PDE4B: variants seen among roughly 807,000 people sequenced by gnomAD.
PDE4B encodes phosphodiesterase 4B.
A neutral mutation model predicts 82.2 loss-of-function variants in PDE4B; 20 were observed. The ratio of observed to expected loss-of-function variants is 0.24; its 90% confidence interval spans 0.17 to 0.35. The LOEUF (loss-of-function observed/expected upper bound fraction) is 0.35, where lower values mean the gene tolerates loss of function less well. Among genes scored for constraint, PDE4B ranks in the 10% least tolerant of loss-of-function variants. The pLI, the probability that PDE4B is intolerant of heterozygous loss-of-function variation, is 1.00. For missense variants in PDE4B, 655 were observed against 907.2 expected, an observed-to-expected ratio of 0.72 and a Z score of 3.57; for synonymous variants, 320 against 318.9, an observed-to-expected ratio of 1.00 and a Z score of -0.04.
chr1:65,831,303 A>G (rs1646078913), intron 1 of PDE4B, among the ~76,000 whole-genome samples: 1 of 152,156 alleles, frequency 6.6e-6, no homozygotes, highest in Non-Finnish European at 1.5e-5. Flanking sequence ...TGCAAGGCTG[A>G]TTAAGAAAAA....
intron 3 of PDE4B, among the ~76,000 whole-genome samples, chr1:66,211,474 T>C (rs947355068): frequency 5.3e-5 from 8 of 152,216 alleles, no homozygotes; most frequent in Non-Finnish European, 1.2e-4. Context: ...AATACTCTAC[T>C]TTCCTGCCTA....
chr1:66,014,122 T>C (rs1363889760), intron 3 of PDE4B, among the ~76,000 whole-genome samples: 1 of 152,118 alleles, frequency 6.6e-6, no homozygotes, highest in Non-Finnish European at 1.5e-5. Context: ...TTAAGTCCTT[T>C]GTACATTTTA....
chr1:66,324,697 T>C (rs1005692675), intron 7 of PDE4B, among the ~76,000 whole-genome samples: 1 of 152,180 alleles, frequency 6.6e-6, no homozygotes, highest in African/African-American at 2.4e-5. Context: ...GAAATCCCTG[T>C]CATATGCAAT....
chr1:66,296,307 G>A (rs910168236), intron 7 of PDE4B, among the ~76,000 whole-genome samples: 5 of 152,140 alleles, frequency 3.3e-5, no homozygotes, highest in African/African-American at 7.2e-5. Context: ...TGGTAGGCAC[G>A]TGATAGGGAG....
chr1:65,817,278 T>A (rs764614572), intron 1 of PDE4B, among the ~76,000 whole-genome samples: 2 of 152,200 alleles, frequency 1.3e-5, no homozygotes, highest in Non-Finnish European at 2.9e-5. Flanking sequence ...GTGCTGCTTC[T>A]TGCATTCAGA....
chr1:66,081,511 A>G (rs1217555872), intron 3 of PDE4B, among the ~76,000 whole-genome samples: 2 of 152,170 alleles, frequency 1.3e-5, no homozygotes, highest in South Asian at 2.1e-4. Flanking sequence ...ATATATTCTA[A>G]TAACATCTAT....
intron 1 of PDE4B, among the ~76,000 whole-genome samples, chr1:65,867,195 C>A (rs1646521807): frequency 6.6e-6 from 1 of 152,024 alleles, no homozygotes; most frequent in Non-Finnish European, 1.5e-5. Flanking sequence ...ATTTTAAAAG[C>A]CCCTTAGGAA....
chr1:66,087,662 T>C (rs938857284), intron 3 of PDE4B, among the ~76,000 whole-genome samples: 1 of 151,988 alleles, frequency 6.6e-6, no homozygotes, highest in Non-Finnish European at 1.5e-5. Context: ...ATGTGGCACT[T>C]ATACACCATG....
intron 3 of PDE4B, among the ~76,000 whole-genome samples, chr1:66,154,993 C>T (rs1646474740): frequency 6.6e-6 from 1 of 152,060 alleles, no homozygotes; most frequent in South Asian, 2.1e-4. Flanking sequence ...GCCTGAGCAA[C>T]ATAGTGACAC....
Position 66,188,266 on chromosome 1 carries a change from A to G in PDE4B, c.282-59194A>G, listed in dbSNP as rs376889988. ...TGTTTTACTTCCAACTATGTGGTCA[A>G]TTTTGCAATAGGTGTGGTGTGGTGC... On this transcript the variant is annotated intron_variant, in intron 3 of 16. Transcript: ENST00000341517. Among the ~76,000 whole-genome samples the G allele has an allele frequency of 2.1e-4, 31 of 149,994 alleles. 1 individual carries two copies. In the South Asian group the frequency reaches 2.1e-3, roughly 10 times the overall value.
chr1:66,270,909 G>C (rs1011143633), intron 7 of PDE4B, among the ~76,000 whole-genome samples: 8 of 152,154 alleles, frequency 5.3e-5, no homozygotes, highest in African/African-American at 1.9e-4. Context: ...TTAATTACTC[G>C]CCTTCAGCGT....
intron 8 of PDE4B, among the ~76,000 whole-genome samples, chr1:66,348,042 A>T (rs1338410053): frequency 6.6e-6 from 1 of 152,214 alleles, no homozygotes; most frequent in African/African-American, 2.4e-5. Flanking sequence ...AAAGGACACT[A>T]GACTGGATGG....
At chr1:66,024,177 G>A (rs1325819589) in intron 3 of PDE4B, among the ~76,000 whole-genome samples, 1 of 152,080 alleles carries the variant, frequency 6.6e-6, no homozygotes, top group Admixed American at 6.6e-5. Context: ...AAAAGTCCTA[G>A]AGGATAGAAA....
At chr1:66,035,694 G>A (rs1462848045) in intron 3 of PDE4B, among the ~76,000 whole-genome samples, 1 of 151,932 alleles carries the variant, frequency 6.6e-6, no homozygotes, top group Non-Finnish European at 1.5e-5. Flanking sequence ...GTATTCCATT[G>A]TGTGTGTATA....
chr1:65,883,807 T>C (rs1206194593), intron 1 of PDE4B, among the ~76,000 whole-genome samples: 1 of 152,168 alleles, frequency 6.6e-6, no homozygotes, highest in East Asian at 1.9e-4. Flanking sequence ...CATAAATATC[T>C]CTTATTATTT....
intron 3 of PDE4B, among the ~76,000 whole-genome samples, chr1:65,970,766 G>T (rs986519592): frequency 1.2e-4 from 18 of 152,022 alleles, no homozygotes; most frequent in Admixed American, 3.3e-4. Context: ...AAAGGAAGGA[G>T]AACATTGCAT....
chr1:66,233,860 G>T lies in PDE4B; in HGVS notation c.282-13600G>T, dbSNP rs143862532. ...TGTTATAACAACCTTGTATTCCTTG[G>T]ATACACCCTACTTAATCATAAGGTG... On this transcript the variant is annotated intron_variant, in intron 3 of 16. Coordinates refer to ENST00000341517, the MANE Select transcript of PDE4B (RefSeq NM_002600.4). 1.4e-3 allele frequency among the ~76,000 whole-genome samples: 206 copies of T among 152,092 alleles called. 1 individual carries two copies. Among genetic ancestry groups the T allele is most frequent in the African/African-American group, 4.7e-3 (196 of 41,470 alleles).
At chr1:66,169,981 A>G (rs1239560053) in intron 3 of PDE4B, among the ~76,000 whole-genome samples, 1 of 152,222 alleles carries the variant, frequency 6.6e-6, no homozygotes, top group Non-Finnish European at 1.5e-5. Context: ...ATTTATATAG[A>G]AAATTATATT....
intron 3 of PDE4B, among the ~76,000 whole-genome samples, chr1:66,108,484 G>A (rs752778466): frequency 6.6e-5 from 10 of 151,956 alleles, no homozygotes; most frequent in African/African-American, 2.4e-4. Context: ...CACAGCAAAG[G>A]AAACAATCAA....
Sources: allele counts gnomAD v4.1 joint callset (sites outside exome capture counted in the v4.1 genomes callset), GRCh38; gene constraint gnomAD v4.1.1; transcripts MANE v1.5; gene names NCBI Gene and HGNC (gene_info 2026-07-23, HGNC 2026-07-21).